The following CTNND2 variants were observed in gnomAD, a reference collection of about 807,000 sequenced individuals.
The protein encoded by CTNND2 is catenin delta-2.
In CTNND2, 22 loss-of-function variants were observed where a neutral mutation model predicts 144.4. That is an observed-to-expected ratio of 0.15 (90% confidence interval 0.11 to 0.22). The LOEUF (loss-of-function observed/expected upper bound fraction) is 0.22, where lower values mean the gene tolerates loss of function less well. CTNND2 is among the 10% of genes least tolerant of loss of function. The pLI is 1.00. For synonymous variants in CTNND2, 751 were observed against 695.6 expected, an observed-to-expected ratio of 1.08 and a Z score of -1.25; for missense variants, 1,353 against 1,618.8, an observed-to-expected ratio of 0.84 and a Z score of 2.82.
intron 9 of CTNND2, among the ~76,000 whole-genome samples, chr5:11,338,273 G>A (rs150806315): frequency 2.4e-4 from 36 of 152,248 alleles, no homozygotes; most frequent in African/African-American, 8.7e-4. Context: ...ATGTAGGGAA[G>A]CCCAGAATGC....
At chr5:11,312,714 C>CCCATATACCCTCACCCTCACCTCT (rs1751121052) in intron 9 of CTNND2, among the ~76,000 whole-genome samples, 2 of 20,472 alleles carry the variant, frequency 9.8e-5, no homozygotes, top group African/African-American at 1.8e-4. Context: ...CCCTCACCTC[C>CCCATATACCCTCACCCTCACCTCT]CACAGCCTTA....
intron 2 of CTNND2, among the ~76,000 whole-genome samples, chr5:11,669,421 T>C (rs943770273): frequency 2.6e-5 from 4 of 152,196 alleles, no homozygotes; most frequent in African/African-American, 4.8e-5. Flanking sequence ...AGGCTATTAA[T>C]TGCTGCCTCA....
chr5:11,108,353 C>T lies in CTNND2; in HGVS notation c.2463+2505G>A, dbSNP rs61754611. On this transcript the variant is annotated intron_variant, in intron 14 of 21. Transcript: ENST00000304623. ...AATAAGGGGGCATTGAAGTTTTACA[C>T]AGAGGCCCATTCCTACTGCTTTTAT... is the stretch of plus-strand genomic sequence containing the variant. Among the ~76,000 whole-genome samples, 146 of 152,332 alleles carry T rather than the reference C, an allele frequency of 9.6e-4. 1 individual carries two copies. The East Asian group carries it at 0.026, about 27-fold the overall frequency.
chr5:10,994,524 G>C (rs1002638168), intron 18 of CTNND2, among the ~76,000 whole-genome samples: 11 of 151,626 alleles, frequency 7.3e-5, no homozygotes, highest in Non-Finnish European at 1.0e-4. Flanking sequence ...TGAGGATGCT[G>C]GCATCTCTAT....
intron 18 of CTNND2, among the ~76,000 whole-genome samples, chr5:10,998,375 A>C (rs753521270): frequency 2.0e-5 from 3 of 152,120 alleles, no homozygotes; most frequent in Non-Finnish European, 4.4e-5. Flanking sequence ...CAGAGTAAAC[A>C]CCCAATAAAT....
At chr5:11,689,383 C>T (rs1013164043) in intron 2 of CTNND2, among the ~76,000 whole-genome samples, 1 of 152,206 alleles carries the variant, frequency 6.6e-6, no homozygotes. Context: ...CTTCTCTCCA[C>T]ATACATTTGT....
At position 11,746,729 on chromosome 5, in the gene CTNND2, C is replaced by T. The variant is rs1788336718; in HGVS notation, c.38-14457G>A. On this transcript the variant is annotated intron_variant, in intron 1 of 21. Transcript: ENST00000304623. The stretch of plus-strand genomic sequence containing the variant: ...TGGGTCTTATTCATATTTATAACCT[C>T]AGTGCCTAGAATAATGCCTAGTAAA... Among the ~76,000 whole-genome samples the T allele has an allele frequency of 2.0e-5, 3 of 152,172 alleles. No individual in the cohort carries two copies. In the East Asian group the frequency reaches 5.8e-4, roughly 29 times the overall value.
intron 2 of CTNND2, among the ~76,000 whole-genome samples, chr5:11,664,671 A>G (rs1385157051): frequency 6.6e-6 from 1 of 152,166 alleles, no homozygotes; most frequent in African/African-American, 2.4e-5. Flanking sequence ...ACATTTGCTC[A>G]TTTCCTAAGT....
Position 11,364,769 on chromosome 5 carries a change from A to C in CTNND2, c.1299T>G (p.Pro433=). ...CCTGGCTCTGGCTGAGACTCCTCAT[A>C]GGGGGCTTCTGATAGACGCGGTCTT... The part of the protein sequence containing the change: ...IYEDRVYQKP[P]MRSLSQSQGD... The change falls in exon 8 of 22, where the codon CCT becomes CCG. Residue 433 remains proline, a synonymous_variant. Coordinates refer to ENST00000304623, the MANE Select transcript of CTNND2 (RefSeq NM_001332.4). The C allele has an allele frequency of 6.2e-7, 1 of 1,613,854 alleles. No homozygotes were observed. The highest frequency in any genetic ancestry group is 8.5e-7 in the Non-Finnish European group (1 of 1,179,912).
rs1239190690 is a variant in CTNND2, at chr5:11,188,064, A to G, written c.1975+11384T>C. ...TGTGGTGATTCCATGAAGACCTGGA[A>G]CCAGAAATATCATTTGACCCAGCAA... On this transcript the variant is annotated intron_variant, in intron 11 of 21. Coordinates refer to ENST00000304623, the MANE Select transcript of CTNND2 (RefSeq NM_001332.4). 3.3e-5 allele frequency among the ~76,000 whole-genome samples: 5 copies of G among 152,184 alleles called. No individual in the cohort carries two copies. In the East Asian group the frequency reaches 9.6e-4, roughly 29 times the overall value.
chr5:11,791,376 A>G (rs915063621), intron 1 of CTNND2, among the ~76,000 whole-genome samples: 2 of 152,210 alleles, frequency 1.3e-5, no homozygotes, highest in Non-Finnish European at 2.9e-5. Context: ...CAACAAGAAA[A>G]TGCTGATATT....
chr5:11,634,207 G>C lies in CTNND2; in HGVS notation c.175-69151C>G, dbSNP rs77680518. Among the ~76,000 whole-genome samples the C allele has an allele frequency of 9.0e-3, 1,373 of 152,220 alleles. 24 individuals are homozygous for C. Among genetic ancestry groups the C allele is most frequent in the African/African-American group, 0.03 (1,243 of 41,532 alleles). On this transcript the variant is annotated intron_variant, in intron 2 of 21. Coordinates refer to ENST00000304623, the MANE Select transcript of CTNND2 (RefSeq NM_001332.4). ...AGAACTTTACCCTTTTCTTTGTCTG[G>C]TTGTACATAATGCCATATTTTCCCC... is the stretch of plus-strand genomic sequence containing the variant.
intron 1 of CTNND2, among the ~76,000 whole-genome samples, chr5:11,759,070 C>A (rs1241099087): frequency 6.6e-6 from 1 of 151,754 alleles, no homozygotes; most frequent in Non-Finnish European, 1.5e-5. Context: ...TGTAAAAAAA[C>A]AAAATTTCTG....
At chr5:11,212,766 C>G (rs950329925) in intron 10 of CTNND2, among the ~76,000 whole-genome samples, 2 of 152,184 alleles carry the variant, frequency 1.3e-5, no homozygotes, top group African/African-American at 2.4e-5. Context: ...AGAGTGGGAG[C>G]TGGTCTCGGT....
intron 3 of CTNND2, among the ~76,000 whole-genome samples, chr5:11,560,686 T>C (rs1776612576): frequency 6.6e-6 from 1 of 152,186 alleles, no homozygotes; most frequent in African/African-American, 2.4e-5. Context: ...CAGTCCAGTC[T>C]GTGCTGATCG....
intron 3 of CTNND2, among the ~76,000 whole-genome samples, chr5:11,518,687 A>G (rs1286174320): frequency 6.6e-6 from 1 of 152,182 alleles, no homozygotes; most frequent in Admixed American, 6.5e-5. Flanking sequence ...CTATGTTTAG[A>G]TACACAACTA....
chr5:11,443,221 GTGTA>G (rs1386587070), intron 3 of CTNND2, among the ~76,000 whole-genome samples: 3 of 120,306 alleles, frequency 2.5e-5, no homozygotes, highest in Admixed American at 8.2e-5. Context: ...TGTGTGTGGT[GTGTA>G]TGTGTGTGTG....
At chr5:11,808,883 C>A (rs1014301267) in intron 1 of CTNND2, among the ~76,000 whole-genome samples, 1 of 152,156 alleles carries the variant, frequency 6.6e-6, no homozygotes, top group Admixed American at 6.5e-5. Flanking sequence ...AAAATATTGA[C>A]AACTGCAGAC....
intron 10 of CTNND2, among the ~76,000 whole-genome samples, chr5:11,206,264 A>G (rs920122439): frequency 6.6e-6 from 1 of 152,200 alleles, no homozygotes; most frequent in Non-Finnish European, 1.5e-5. Context: ...TTTTCTGAGA[A>G]TGAAGCAGGC....
Sources: allele counts gnomAD v4.1 joint callset (sites outside exome capture counted in the v4.1 genomes callset), GRCh38; gene constraint gnomAD v4.1.1; transcripts MANE v1.5; gene names NCBI Gene and HGNC (gene_info 2026-07-23, HGNC 2026-07-21).